The following HMGCLL1 variants were observed in gnomAD, a reference collection of about 807,000 sequenced individuals.
HMGCLL1 encodes the protein 3-hydroxy-3-methylglutaryl-CoA lyase like 1, also known as 3-hydroxymethyl-3-methylglutaryl-CoA lyase, cytoplasmic.
HMGCLL1 carries 36 observed loss-of-function variants against 39.1 expected under a neutral mutation model. That is an observed-to-expected ratio of 0.92 (90% CI 0.71 to 1.22). The LOEUF (loss-of-function observed/expected upper bound fraction) is 1.22, where lower values mean the gene tolerates loss of function less well. Among genes scored for constraint, HMGCLL1 ranks in the 50% most tolerant of loss-of-function variants. The probability of loss-of-function intolerance (pLI) is 0.00; values close to 1 mark genes in which losing one functional copy is unlikely to be tolerated. For synonymous variants in HMGCLL1, 149 were observed against 144.0 expected, an observed-to-expected ratio of 1.03 and a Z score of -0.25; for missense variants, 451 against 416.5, an observed-to-expected ratio of 1.08 and a Z score of -0.72.
chr6:55,599,168 C>T, the HMGCLL1 span, among the ~76,000 whole-genome samples: 182 of 151,960 alleles, frequency 1.2e-3, no homozygotes, highest in African/African-American at 2.6e-3. Flanking sequence ...GTGTAGATGA[C>T]GGGTTGATGG....
At chr6:55,668,075 T>C in the HMGCLL1 span, among the ~76,000 whole-genome samples, 1 of 151,866 alleles carries the variant, frequency 6.6e-6, no homozygotes, top group African/African-American at 2.4e-5. Context: ...ATGACTTGGA[T>C]TGTACAAATT....
intron 3 of HMGCLL1, among the ~76,000 whole-genome samples, chr6:55,530,130 C>T (rs759728039): frequency 7.2e-5 from 11 of 151,848 alleles, no homozygotes; most frequent in Non-Finnish European, 1.0e-4. Context: ...TTTCTTACTA[C>T]GTATTATAAG....
At chr6:55,518,943 C>G (rs1767890113) in intron 3 of HMGCLL1, among the ~76,000 whole-genome samples, 1 of 152,034 alleles carries the variant, frequency 6.6e-6, no homozygotes, top group Admixed American at 6.6e-5. Flanking sequence ...CATTTTACAG[C>G]TATAAAAGCT....
At chr6:55,493,425 C>A (rs937153656) in intron 7 of HMGCLL1, among the ~76,000 whole-genome samples, 1 of 152,130 alleles carries the variant, frequency 6.6e-6, no homozygotes, top group Non-Finnish European at 1.5e-5. Flanking sequence ...TTCGGCCCAA[C>A]GTTGTTTCCT....
chr6:55,556,948 T>C (rs543029840), intron 1 of HMGCLL1, among the ~76,000 whole-genome samples: 1 of 152,242 alleles, frequency 6.6e-6, no homozygotes, highest in Admixed American at 6.5e-5. Flanking sequence ...AGGGAAACAG[T>C]CCCAAATGTA....
At position 55,439,532 on chromosome 6, in the gene HMGCLL1, C is replaced by T; in HGVS notation, c.823G>A (p.Val275Ile). The change falls in exon 8 of 9, where the codon GTA becomes ATA. Residue 275 changes from valine (V) to isoleucine (I), a missense_variant. Val to Ile is a conservative substitution (Grantham distance 29). Transcript: ENST00000274901. The part of the protein sequence containing the change: ...QMGINVVDSA[V>I]SGLGGCPYAK... ...TAAGGGCAGCCACCTAATCCGGATA[C>T]TGCGGAGTCCACCACATTAATTCCC... 1 of 1,612,924 alleles carries T rather than the reference C, an allele frequency of 6.2e-7. No individual in the cohort carries two copies. Among genetic ancestry groups the T allele is most frequent in the Non-Finnish European group, 8.5e-7 (1 of 1,179,174 alleles).
At chr6:55,589,243 G>T in the HMGCLL1 span, among the ~76,000 whole-genome samples, 1 of 152,150 alleles carries the variant, frequency 6.6e-6, no homozygotes, top group African/African-American at 2.4e-5. Context: ...TGCAAGGCTG[G>T]TTCAACATAC....
rs2127481369 is a variant in HMGCLL1, at chr6:55,579,143, G to C, written c.-88C>G. 2 of 993,600 alleles carry C rather than the reference G, an allele frequency of 2.0e-6. No homozygotes were observed. The highest frequency in any genetic ancestry group is 3.1e-6 in the Non-Finnish European group (2 of 647,506). The allele number at this position is 993,600 out of a possible 1,614,324, so 61.5% of individuals were successfully genotyped here. A position where few individuals can be genotyped will look rare whatever the true frequency, so the allele number is the denominator to read the frequency against. On this transcript the variant is annotated 5_prime_UTR_variant, in exon 1 of 9. Transcript: ENST00000274901. ...CCGCGCTGGGAAACTGCGCCAGCTC[G>C]GGAGCGCGCCCCTCCGGTGCACTGG...
At chr6:55,589,354 G>T in the HMGCLL1 span, among the ~76,000 whole-genome samples, 11 of 151,896 alleles carry the variant, frequency 7.2e-5, no homozygotes, top group East Asian at 1.9e-4. Flanking sequence ...ATTCAACAAC[G>T]CTTCATGCTA....
chr6:55,460,879 A>G (rs1277177675), intron 7 of HMGCLL1, among the ~76,000 whole-genome samples: 1 of 152,020 alleles, frequency 6.6e-6, no homozygotes, highest in Admixed American at 6.6e-5. Flanking sequence ...TTTAATGTCA[A>G]CATTGCTTAT....
chr6:55,462,878 A>C (rs1445781901), intron 7 of HMGCLL1, among the ~76,000 whole-genome samples: 1 of 152,186 alleles, frequency 6.6e-6, no homozygotes, highest in Non-Finnish European at 1.5e-5. Context: ...CACTGACTCC[A>C]TCACAATTAA....
At chr6:55,459,772 A>T (rs73447013) in intron 7 of HMGCLL1, among the ~76,000 whole-genome samples, 12,232 of 152,084 alleles carry the variant, frequency 0.08, 553 homozygotes, top group African/African-American at 0.12. Context: ...ATGCCTATAC[A>T]AACAAACACT....
chr6:55,661,842 A>C, the HMGCLL1 span, among the ~76,000 whole-genome samples: 1 of 151,946 alleles, frequency 6.6e-6, no homozygotes, highest in African/African-American at 2.4e-5. Flanking sequence ...CTTTCTATTC[A>C]TGAGCATGAA....
intron 7 of HMGCLL1, among the ~76,000 whole-genome samples, chr6:55,477,443 T>TA (rs1561905609): frequency 1.9e-5 from 1 of 53,136 alleles, no homozygotes; most frequent in South Asian, 5.2e-4. Flanking sequence ...ATATATTATA[T>TA]ATATAATATA....
the HMGCLL1 span, among the ~76,000 whole-genome samples, chr6:55,601,449 C>T: frequency 6.6e-6 from 1 of 152,122 alleles, no homozygotes; most frequent in Non-Finnish European, 1.5e-5. Context: ...AGGGCAAGCA[C>T]ACAGGTCTCT....
chr6:55,605,103 A>G, the HMGCLL1 span, among the ~76,000 whole-genome samples: 1 of 152,228 alleles, frequency 6.6e-6, no homozygotes, highest in Admixed American at 6.5e-5. Flanking sequence ...GACAGCCTTC[A>G]GCTGGCAGTA....
At chr6:55,502,932 A>G (rs575064173) in intron 5 of HMGCLL1, among the ~76,000 whole-genome samples, 1 of 151,536 alleles carries the variant, frequency 6.6e-6, no homozygotes, top group South Asian at 2.1e-4. Context: ...TCATGTGGTT[A>G]ACTTATAATC....
intron 3 of HMGCLL1, among the ~76,000 whole-genome samples, chr6:55,518,907 T>G (rs1017855030): frequency 5.3e-5 from 8 of 152,156 alleles, no homozygotes; most frequent in Non-Finnish European, 1.0e-4. Context: ...AAATGTTTAC[T>G]TATGCCACTA....
At chr6:55,570,211 G>C (rs905177246) in intron 1 of HMGCLL1, among the ~76,000 whole-genome samples, 5 of 152,172 alleles carry the variant, frequency 3.3e-5, no homozygotes, top group Non-Finnish European at 7.3e-5. Flanking sequence ...TCCTGTTATA[G>C]TAAGATTCAA....
Sources: gnomAD v4.1 joint callset for allele counts (sites outside exome capture counted in the v4.1 genomes callset) on GRCh38, gnomAD v4.1.1 for gene constraint, MANE v1.5 for transcripts, NCBI Gene and HGNC (gene_info 2026-07-23, HGNC 2026-07-21) for gene names.